Variants in PTPRU observed in about 807,000 individuals in gnomAD.
PTPRU encodes receptor-type tyrosine-protein phosphatase U.
A neutral mutation model predicts 166.3 loss-of-function variants in PTPRU; 69 were observed. The ratio of observed to expected loss-of-function variants is 0.41; its 90% CI spans 0.34 to 0.51. The LOEUF is 0.51. Among genes scored for constraint, PTPRU ranks in the 20% least tolerant of loss-of-function variants. The pLI, the probability that PTPRU is intolerant of heterozygous loss-of-function variation, is 0.09. For synonymous variants in PTPRU, 793 were observed against 814.0 expected (o/e 0.97, Z 0.44); for missense variants, 1,657 against 2,013.7 (o/e 0.82, Z 3.39).
At chr1:29,304,698 A>T (rs371199232) in intron 16 of PTPRU, 76 bp from the exon 17 acceptor site, 1 of 1,179,600 alleles carries the variant, frequency 8.5e-7, no homozygotes, top group African/African-American at 1.6e-5. Flanking sequence ...TCCTGCCTAC[A>T]TCATCCCCAC....
At chr1:29,292,835 A>C (rs1574676637) in intron 15 of PTPRU, among the ~76,000 whole-genome samples, 1 of 104,108 alleles carries the variant, frequency 9.6e-6, no homozygotes, top group Non-Finnish European at 1.8e-5. Flanking sequence ...TTTTTTTGTG[A>C]GATGGAGTCT....
intron 15 of PTPRU, among the ~76,000 whole-genome samples, chr1:29,292,831 T>TTTG (rs200513588): frequency 6.6e-6 from 1 of 151,354 alleles, no homozygotes; most frequent in African/African-American, 2.4e-5. Flanking sequence ...TTTTTTTTTT[T>TTTG]GTGAGATGGA....
At chr1:29,305,323 G>A in intron 17 of PTPRU, 29 bp from the exon 18 acceptor site, 1 of 1,611,286 alleles carries the variant, frequency 6.2e-7, no homozygotes, top group Non-Finnish European at 8.5e-7. Context: ...CCCCAGTTCA[G>A]CCCCTGCCCA....
At chr1:29,241,580 T>TTTCTTC (rs369661546) in intron 1 of PTPRU, among the ~76,000 whole-genome samples, 15 of 149,000 alleles carry the variant, frequency 1.0e-4, no homozygotes, top group African/African-American at 1.8e-4. Context: ...ATTTTTTTTT[T>TTTCTTC]TTCTTCTTCT....
At chr1:29,310,011 G>T (rs537411227) in intron 18 of PTPRU, among the ~76,000 whole-genome samples, 4 of 152,312 alleles carry the variant, frequency 2.6e-5, no homozygotes, top group African/African-American at 7.2e-5. Flanking sequence ...TGGCCCTGGG[G>T]TGGCTTGTCG....
At chr1:29,283,170 C>G (rs1686174707) in intron 12 of PTPRU, among the ~76,000 whole-genome samples, 1 of 150,344 alleles carries the variant, frequency 6.7e-6, no homozygotes, top group Admixed American at 6.6e-5. Flanking sequence ...CAGTTCCTCC[C>G]CCATAACCTT....
chr1:29,266,273 A>G (rs1685300016), intron 7 of PTPRU, among the ~76,000 whole-genome samples: 1 of 152,104 alleles, frequency 6.6e-6, no homozygotes. Flanking sequence ...TGCTGGGATT[A>G]CAGGCATGAG....
At chr1:29,265,518 A>G (rs1685262716) in intron 7 of PTPRU, among the ~76,000 whole-genome samples, 1 of 151,654 alleles carries the variant, frequency 6.6e-6, no homozygotes, top group South Asian at 2.1e-4. Flanking sequence ...ACACACCACC[A>G]CGCCTGGCTA....
chr1:29,290,005 C>T (rs1686550959), intron 14 of PTPRU, among the ~76,000 whole-genome samples: 1 of 152,244 alleles, frequency 6.6e-6, no homozygotes, highest in African/African-American at 2.4e-5. Flanking sequence ...ATGTCCCCTT[C>T]ACCACCAGAG....
Position 29,280,126 on chromosome 1 carries a change from G to A in PTPRU, c.1853G>A (p.Arg618His), listed in dbSNP as rs766033489. 8.1e-6 allele frequency: 13 copies of A among 1,612,222 alleles called. No individual in the cohort carries two copies. Among genetic ancestry groups the A allele is most frequent in the African/African-American group, 4.0e-5 (3 of 74,904 alleles). Residue 618 changes from arginine (R) to histidine (H), a missense_variant, in exon 11 of 30, where the codon CGC becomes CAC. This residue lies in a region of PTPRU where 1,190 missense variants were observed against 1,477.4 expected (regional missense o/e 0.81). Coordinates refer to ENST00000373779, the MANE Select transcript of PTPRU (RefSeq NM_133178.4). The surrounding 1 kb of genome is among the most constrained non-coding windows in gnomAD (Gnocchi z 4.2). ...ITVLLRPAQG[R>H]GAPISVYQVI... ...GTGCTGCTGAGGCCGGCACAGGGCC[G>A]CGGTGCGCCCATCAGGTGGGAAAGC...
chr1:29,301,544 G>A (rs1687134191), intron 15 of PTPRU, among the ~76,000 whole-genome samples: 2 of 152,126 alleles, frequency 1.3e-5, no homozygotes, highest in Admixed American at 1.3e-4. Flanking sequence ...CCTCTGGCAG[G>A]TCCTTCAGGA....
At chr1:29,277,790 C>T (rs1418257092) in intron 8 of PTPRU, among the ~76,000 whole-genome samples, 1 of 115,980 alleles carries the variant, frequency 8.6e-6, no homozygotes, top group Non-Finnish European at 1.8e-5. Flanking sequence ...CATCTGGCTT[C>T]ACAGTTGTCA....
intron 26 of PTPRU, among the ~76,000 whole-genome samples, chr1:29,321,986 C>G (rs1451124303): frequency 6.6e-6 from 1 of 152,240 alleles, no homozygotes; most frequent in Non-Finnish European, 1.5e-5. Flanking sequence ...CCCACCCCAG[C>G]TTTCTGCTGG....
At chr1:29,295,826 A>G (rs1305654418) in intron 15 of PTPRU, among the ~76,000 whole-genome samples, 2 of 152,090 alleles carry the variant, frequency 1.3e-5, no homozygotes, top group East Asian at 3.9e-4. Flanking sequence ...AGCTGGGACT[A>G]CAGACGTGCG....
intron 27 of PTPRU, 49 bp downstream of exon 27, chr1:29,323,545 G>A: frequency 6.2e-7 from 1 of 1,611,260 alleles, no homozygotes; most frequent in African/African-American, 1.3e-5. Flanking sequence ...GGTGGCTGGG[G>A]CAGCTTTTAA....
At chr1:29,239,267 G>T (rs372720574) in intron 1 of PTPRU, among the ~76,000 whole-genome samples, 1 of 152,204 alleles carries the variant, frequency 6.6e-6, no homozygotes, top group East Asian at 1.9e-4. Context: ...CGGAGCTTCC[G>T]GGTAGGGGCG....
rs914937126 is a variant in PTPRU at position 29,280,433 on chromosome 1, T to A, written c.1868+292T>A. On this transcript the variant is annotated intron_variant, in intron 11 of 29. Coordinates refer to ENST00000373779, the MANE Select transcript of PTPRU (RefSeq NM_133178.4). This position sits in a 1 kb window ranked among gnomAD's most constrained non-coding sequence, Gnocchi z 4.2. The stretch of plus-strand genomic sequence containing the variant: ...TCCAGGGGGCCTTTCCTCAGACACC[T>A]TGGAGAAGTGAAACTCTGGGGGCCT... 6.6e-6 allele frequency among the ~76,000 whole-genome samples: 1 copy of A among 152,186 alleles called. No individual in the cohort carries two copies. Among genetic ancestry groups the A allele is most frequent in the African/African-American group, 2.4e-5 (1 of 41,440 alleles).
At chr1:29,275,870 C>A in intron 8 of PTPRU, 114 bp downstream of exon 8, 3 of 1,192,162 alleles carry the variant, frequency 2.5e-6, no homozygotes, top group Non-Finnish European at 3.5e-6. Context: ...AGGATTAAAC[C>A]AACTGTATAA....
At chr1:29,252,768 T>C (rs2640472) in intron 1 of PTPRU, among the ~76,000 whole-genome samples, 115,025 of 152,134 alleles carry the variant, frequency 0.76, 43,774 homozygotes, top group Non-Finnish European at 0.78. Context: ...GTTTTTCCTC[T>C]GCCCTCCCAC....
Sources: allele counts gnomAD v4.1 joint callset (sites outside exome capture counted in the v4.1 genomes callset), GRCh38; gene constraint gnomAD v4.1.1; regional missense constraint gnomAD v4.1.1; non-coding constraint Gnocchi (gnomAD v3.1); transcripts MANE v1.5; gene names NCBI Gene and HGNC (gene_info 2026-07-23, HGNC 2026-07-21).